FABP7: variants seen among roughly 807,000 people sequenced by gnomAD.
The protein encoded by FABP7 is fatty acid binding protein 7, also known as fatty acid-binding protein, brain.
FABP7 carries 13 observed loss-of-function variants against 14.2 expected under a neutral mutation model. That is an observed-to-expected ratio of 0.91 (90% CI 0.59 to 1.45). The LOEUF (loss-of-function observed/expected upper bound fraction) is 1.45. FABP7 is among the 40% of genes most tolerant of loss of function. The probability of loss-of-function intolerance (pLI) is 0.00; values close to 1 mark genes in which losing one functional copy is unlikely to be tolerated. For missense variants in FABP7, 149 were observed against 157.6 expected (o/e 0.95, Z 0.29); for synonymous variants, 49 against 51.4 (o/e 0.95, Z 0.20).
chr6:122,776,173 G>A (rs1411455573), upstream of FABP7, among the ~76,000 whole-genome samples: 2 of 152,112 alleles, frequency 1.3e-5, no homozygotes, highest in Non-Finnish European at 2.9e-5. Context: ...CCATTGCAGT[G>A]TATATATCCA....
the FABP7 span, among the ~76,000 whole-genome samples, chr6:122,755,330 G>A: frequency 4.2e-3 from 630 of 151,512 alleles, 7 homozygotes; most frequent in African/African-American, 0.014. Flanking sequence ...TTACATTTAC[G>A]TTACATCTCA....
chr6:122,778,758 A>G (rs1033059987), upstream of FABP7, among the ~76,000 whole-genome samples: 16 of 152,324 alleles, frequency 1.1e-4, no homozygotes, highest in East Asian at 2.1e-3. Context: ...CCGCTCCTCC[A>G]GTTCCTGCCC....
At chr6:122,782,973 T>C (rs1780831699) in intron 3 of FABP7, 1 of 985,298 alleles carries the variant, frequency 1.0e-6, no homozygotes, top group Non-Finnish European at 1.2e-6. Flanking sequence ...AGCTCAACCG[T>C]GGCATGCATG....
chr6:122,778,711 C>T (rs1478217254), upstream of FABP7, among the ~76,000 whole-genome samples: 1 of 152,198 alleles, frequency 6.6e-6, no homozygotes, highest in African/African-American at 2.4e-5. Context: ...GAACCCTGAG[C>T]CAGGGCAAAC....
chr6:122,781,293 C>T, intron 3 of FABP7, 99 bp downstream of exon 3: 1 of 1,555,022 alleles, frequency 6.4e-7, no homozygotes. Context: ...CATTCTTCCT[C>T]CTTCCTTCCT....
chr6:122,781,354 G>A, intron 3 of FABP7, 160 bp downstream of exon 3: 6 of 1,455,582 alleles, frequency 4.1e-6, no homozygotes, highest in East Asian at 2.5e-5. Context: ...GTAAAACAGG[G>A]GAAACAAAAA....
the FABP7 span, among the ~76,000 whole-genome samples, chr6:122,750,110 C>G: frequency 6.6e-6 from 1 of 151,784 alleles, no homozygotes; most frequent in Non-Finnish European, 1.5e-5. Flanking sequence ...AAATAAAAAC[C>G]TTAAATATTC....
At chr6:122,767,942 T>C in the FABP7 span, among the ~76,000 whole-genome samples, 7 of 151,934 alleles carry the variant, frequency 4.6e-5, no homozygotes, top group African/African-American at 2.4e-5. Context: ...GAAGCTACTT[T>C]AAAGAAAGTG....
chr6:122,752,266 C>A, the FABP7 span, among the ~76,000 whole-genome samples: 1 of 152,324 alleles, frequency 6.6e-6, no homozygotes, highest in African/African-American at 2.4e-5. Context: ...TAGATGTGTT[C>A]ATCCTTGCCT....
chr6:122,779,577 C>G (rs1398913616), upstream of FABP7: 9 of 581,290 alleles, frequency 1.5e-5, no homozygotes, highest in East Asian at 2.3e-4. Flanking sequence ...GAGCCTCACT[C>G]GAGCGCTCCT....
At chr6:122,781,372 G>C in intron 3 of FABP7, 178 bp downstream of exon 3, 1 of 1,453,536 alleles carries the variant, frequency 6.9e-7, no homozygotes, top group South Asian at 1.5e-5. Flanking sequence ...AAAGATCCCA[G>C]TTAATTTTCT....
intron 3 of FABP7, chr6:122,783,071 A>G: frequency 1.0e-6 from 1 of 985,408 alleles, no homozygotes; most frequent in Non-Finnish European, 1.2e-6. Context: ...TCACATCAAT[A>G]CATGAAAACC....
At chr6:122,764,244 T>C in the FABP7 span, among the ~76,000 whole-genome samples, 3 of 152,108 alleles carry the variant, frequency 2.0e-5, no homozygotes, top group East Asian at 3.9e-4. Flanking sequence ...TGTAGGGACA[T>C]GGATGAAGCT....
chr6:122,754,425 G>C, the FABP7 span, among the ~76,000 whole-genome samples: 20 of 152,284 alleles, frequency 1.3e-4, no homozygotes, highest in Admixed American at 2.6e-4. Flanking sequence ...CCTGAGGCAA[G>C]TCCTCCACTG....
upstream of FABP7, among the ~76,000 whole-genome samples, chr6:122,776,834 CTT>C (rs1004323959): frequency 1.1e-4 from 17 of 152,238 alleles, no homozygotes; most frequent in Non-Finnish European, 2.4e-4. Flanking sequence ...AAAATAGTCA[CTT>C]GACTTTTTCT....
At chr6:122,772,447 C>T in the FABP7 span, among the ~76,000 whole-genome samples, 1 of 152,066 alleles carries the variant, frequency 6.6e-6, no homozygotes, top group Non-Finnish European at 1.5e-5. Flanking sequence ...TCCCTCTGAC[C>T]TAGTCTATAT....
upstream of FABP7, among the ~76,000 whole-genome samples, chr6:122,779,069 G>A (rs907939735): frequency 5.9e-5 from 9 of 152,080 alleles, no homozygotes; most frequent in African/African-American, 2.2e-4. Flanking sequence ...CTCTCGGTTT[G>A]TGTTGGGAAA....
At chr6:122,773,085 A>T in the FABP7 span, among the ~76,000 whole-genome samples, 1 of 152,294 alleles carries the variant, frequency 6.6e-6, no homozygotes, top group African/African-American at 2.4e-5. Flanking sequence ...AGAGGAATTC[A>T]GAAGTAATCA....
At chr6:122,768,431 A>ACATACC in the FABP7 span, among the ~76,000 whole-genome samples, 2 of 152,166 alleles carry the variant, frequency 1.3e-5, no homozygotes, top group Non-Finnish European at 2.9e-5. Flanking sequence ...ACATTTTATG[A>ACATACC]AGATTACATT....
Sources: allele counts gnomAD v4.1 joint callset (sites outside exome capture counted in the v4.1 genomes callset), GRCh38; gene constraint gnomAD v4.1.1; transcripts MANE v1.5; gene names NCBI Gene and HGNC (gene_info 2026-07-23, HGNC 2026-07-21).